PYY: variants seen among roughly 807,000 people sequenced by gnomAD.
PYY encodes peptide tyrosine tyrosine.
PYY carries 12 observed loss-of-function variants against 10.3 expected under a neutral mutation model. The observed-to-expected ratio is 1.17, with a 90% confidence interval of 0.75 to 1.89. The LOEUF is 1.89. PYY is among the 40% of genes most tolerant of loss of function. The pLI, the probability that PYY is intolerant of heterozygous loss-of-function variation, is 0.00. For missense variants in PYY, 141 were observed against 134.0 expected (o/e 1.05, Z -0.26); for synonymous variants, 66 against 62.0 (o/e 1.06, Z -0.30).
chr17:43,972,470 C>G (rs2048801291), intron 1 of PYY, among the ~76,000 whole-genome samples: 1 of 152,054 alleles, frequency 6.6e-6, no homozygotes, highest in Non-Finnish European at 1.5e-5. Flanking sequence ...CCTGCCTCAG[C>G]CTCCCAAAGC....
In PYY at chr17:43,987,861, C is replaced by T. The variant is rs1053564929; in HGVS notation, c.-463+16530G>A. 8.5e-5 allele frequency among the ~76,000 whole-genome samples: 13 copies of T among 152,168 alleles called. No homozygotes were observed. Among genetic ancestry groups the T allele is most frequent in the Admixed American group, 2.0e-4 (3 of 15,270 alleles). ...TAGCAATAGGGAGGGAGGAAGGGGGCAAGGATGGAGAACGAGTGCTTCGGT... is the reference window on the plus strand; with the variant it reads ...TAGCAATAGGGAGGGAGGAAGGGGGTAAGGATGGAGAACGAGTGCTTCGGT... On this transcript the variant is annotated intron_variant, in intron 1 of 6. Coordinates refer to the PYY transcript ENST00000360085. This position sits in a 1 kb window ranked among gnomAD's most constrained non-coding sequence, Gnocchi z 4.0.
At chr17:43,971,594 T>C (rs2048793925) in intron 1 of PYY, among the ~76,000 whole-genome samples, 1 of 151,390 alleles carries the variant, frequency 6.6e-6, no homozygotes, top group Non-Finnish European at 1.5e-5. Flanking sequence ...AAATTGCATC[T>C]TTCTGTTGTC....
In PYY at chr17:43,952,769, C is replaced by G; in HGVS notation, c.*187G>C. Reference sequence around the variant, plus strand: ...TGGAATTTGCTCTTTATTTTGGGACCAGGGAAGGACCACACACAGCCCTCC... The same window carrying G: ...TGGAATTTGCTCTTTATTTTGGGACGAGGGAAGGACCACACACAGCCCTCC... On this transcript the variant is annotated 3_prime_UTR_variant, in exon 4 of 4. Transcript: ENST00000692052. 1.9e-6 allele frequency: 1 copy of G among 529,652 alleles called. No individual in the cohort carries two copies. The highest frequency in any genetic ancestry group is 3.2e-6 in the Non-Finnish European group (1 of 308,776). 32.8% of individuals were successfully genotyped at this position (529,652 alleles called of 1,614,324 possible). A position where few individuals can be genotyped will look rare whatever the true frequency, so the allele number is the denominator to read the frequency against.
chr17:43,981,501 GT>G (rs796109019), intron 1 of PYY, among the ~76,000 whole-genome samples: 6 of 149,158 alleles, frequency 4.0e-5, no homozygotes, highest in Admixed American at 1.3e-4. Context: ...TTGTTTGTTT[GT>G]TTTTTTTTTG....
At chr17:43,995,698 G>T (rs897720376) in intron 1 of PYY, among the ~76,000 whole-genome samples, 1 of 152,004 alleles carries the variant, frequency 6.6e-6, no homozygotes. Flanking sequence ...GCCGGGTGTG[G>T]TGGCAGGCGC....
intron 1 of PYY, among the ~76,000 whole-genome samples, chr17:43,972,003 T>G (rs2143919792): frequency 6.6e-6 from 1 of 152,070 alleles, no homozygotes; most frequent in African/African-American, 2.4e-5. Context: ...CTTTCCCTTT[T>G]GAGCTAATTT....
intron 1 of PYY, among the ~76,000 whole-genome samples, chr17:43,999,922 A>G (rs989286404): frequency 2.6e-5 from 4 of 152,202 alleles, no homozygotes; most frequent in Non-Finnish European, 4.4e-5. Flanking sequence ...CACGACAGGA[A>G]CTGGCTTTAG....
At chr17:43,959,856 G>T (rs1189464353) in intron 2 of PYY, among the ~76,000 whole-genome samples, 1 of 152,206 alleles carries the variant, frequency 6.6e-6, no homozygotes, top group African/African-American at 2.4e-5. Flanking sequence ...AGTCTCAAGA[G>T]GCCTGTGCTG....
chr17:43,974,908 G>T (rs1459409752), intron 1 of PYY, among the ~76,000 whole-genome samples: 1 of 152,018 alleles, frequency 6.6e-6, no homozygotes, highest in Non-Finnish European at 1.5e-5. Flanking sequence ...ATGGGGGGGA[G>T]GATAGGGAAA....
At chr17:43,957,578 A>T (rs1357301297), upstream of PYY, among the ~76,000 whole-genome samples, 2 of 152,190 alleles carry the variant, frequency 1.3e-5, no homozygotes, top group African/African-American at 2.4e-5. Flanking sequence ...AATCACTTGA[A>T]TCCAGGAGGC....
intron 2 of PYY, among the ~76,000 whole-genome samples, chr17:43,964,318 T>C (rs1171635094): frequency 6.6e-6 from 1 of 152,206 alleles, no homozygotes; most frequent in Non-Finnish European, 1.5e-5. Flanking sequence ...CAAACTATTA[T>C]CAGCATGCAA....
At chr17:43,978,184 C>T (rs1436752943) in intron 1 of PYY, among the ~76,000 whole-genome samples, 2 of 141,058 alleles carry the variant, frequency 1.4e-5, no homozygotes, top group Admixed American at 7.4e-5. Context: ...AGAGCAAGAC[C>T]CTGAAAGAAA....
At chr17:44,000,250 C>T (rs1348417690) in intron 1 of PYY, among the ~76,000 whole-genome samples, 6 of 152,156 alleles carry the variant, frequency 3.9e-5, no homozygotes, top group African/African-American at 1.4e-4. Flanking sequence ...ATCATGCATG[C>T]TCAGCTGTGT....
upstream of PYY, among the ~76,000 whole-genome samples, chr17:43,956,415 G>A (rs1056154980): frequency 6.9e-6 from 1 of 143,974 alleles, no homozygotes; most frequent in African/African-American, 2.5e-5. Flanking sequence ...AATGGGCTCA[G>A]CCACCCCCCG....
At chr17:43,988,806 A>G (rs2048931599) in intron 1 of PYY, among the ~76,000 whole-genome samples, 1 of 142,704 alleles carries the variant, frequency 7.0e-6, no homozygotes, top group Admixed American at 7.5e-5. Flanking sequence ...TCTGTCACCC[A>G]GGCTGGAGTG....
At chr17:43,978,818 T>G (rs2048865314) in intron 1 of PYY, among the ~76,000 whole-genome samples, 1 of 152,160 alleles carries the variant, frequency 6.6e-6, no homozygotes, top group Non-Finnish European at 1.5e-5. Context: ...CTTGGCTGGG[T>G]TGGGGCCCCT....
chr17:43,953,487 G>A lies in PYY; in HGVS notation c.1-4C>T. ...ACGGCCTGCGCACGAACACCATCTG[G>A]GAAGGCGACATTGGGACGTGGGTCA... On this transcript the variant is annotated splice_region_variant and splice_polypyrimidine_tract_variant and intron_variant, in intron 1 of 3. Coordinates refer to ENST00000692052, the MANE Select transcript of PYY (RefSeq NM_001394028.1). 6.3e-7 allele frequency: 1 copy of A among 1,586,540 alleles called. No homozygotes were observed. The highest frequency in any genetic ancestry group is 8.6e-7 in the Non-Finnish European group (1 of 1,164,212).
chr17:43,979,541 A>C (rs1194996508), intron 1 of PYY, among the ~76,000 whole-genome samples: 4 of 144,186 alleles, frequency 2.8e-5, no homozygotes, highest in African/African-American at 7.5e-5. Flanking sequence ...ATAAAGATGA[A>C]AAAAAAAAAA....
intron 2 of PYY, among the ~76,000 whole-genome samples, chr17:43,959,217 G>A (rs900294503): frequency 6.6e-6 from 1 of 152,192 alleles, no homozygotes; most frequent in Non-Finnish European, 1.5e-5. Flanking sequence ...ACCTGTATGT[G>A]TCTTTATGAT....
Sources: gnomAD v4.1 joint callset for allele counts (sites outside exome capture counted in the v4.1 genomes callset) on GRCh38, gnomAD v4.1.1 for gene constraint, Gnocchi (gnomAD v3.1) non-coding constraint, MANE v1.5 for transcripts, NCBI Gene and HGNC (gene_info 2026-07-23, HGNC 2026-07-21) for gene names.